RNF121: variants seen among roughly 807,000 people sequenced by gnomAD.
RNF121 encodes the protein ring finger protein 121, also known as E3 ubiquitin ligase RNF121.
RNF121 carries 21 observed loss-of-function variants against 46.5 expected under a neutral mutation model. That is an observed-to-expected ratio of 0.45 (90% CI 0.32 to 0.65). The LOEUF (loss-of-function observed/expected upper bound fraction) is 0.65. Among genes scored for constraint, RNF121 ranks in the 30% least tolerant of loss-of-function variants. The pLI, the probability that RNF121 is intolerant of heterozygous loss-of-function variation, is 0.04. For synonymous variants in RNF121, 139 were observed against 144.7 expected (o/e 0.96, Z 0.28); for missense variants, 346 against 416.0 (o/e 0.83, Z 1.46).
intron 8 of RNF121, 118 bp from the exon 9 acceptor site, chr11:71,996,077 A>G: frequency 7.8e-7 from 1 of 1,285,414 alleles, no homozygotes; most frequent in Non-Finnish European, 1.1e-6. Flanking sequence ...AGCAGCCTCC[A>G]TTCCTCTAGG....
intron 1 of RNF121, among the ~76,000 whole-genome samples, chr11:71,931,843 G>C (rs1953284032): frequency 6.6e-6 from 1 of 152,176 alleles, no homozygotes; most frequent in African/African-American, 2.4e-5. Flanking sequence ...ATTGCCCCCT[G>C]TGTAGCACTT....
At chr11:71,937,026 A>G (rs750042598) in intron 1 of RNF121, among the ~76,000 whole-genome samples, 9 of 152,236 alleles carry the variant, frequency 5.9e-5, no homozygotes, top group Non-Finnish European at 1.0e-4. Context: ...AAATAATACA[A>G]TAGCCCCTAT....
intron 1 of RNF121, among the ~76,000 whole-genome samples, chr11:71,950,818 T>G (rs1329892893): frequency 6.6e-6 from 1 of 152,106 alleles, no homozygotes; most frequent in East Asian, 1.9e-4. Flanking sequence ...CTTTTAATTC[T>G]GTGGTAACTA....
chr11:71,936,596 G>A (rs1590766045), intron 1 of RNF121, among the ~76,000 whole-genome samples: 2 of 152,084 alleles, frequency 1.3e-5, no homozygotes, highest in South Asian at 2.1e-4. Flanking sequence ...GGGTTTCACC[G>A]TGTTAGCCAG....
At chr11:71,980,297 CTCTGT>C (rs534822096) in intron 3 of RNF121, among the ~76,000 whole-genome samples, 1 of 152,066 alleles carries the variant, frequency 6.6e-6, no homozygotes, top group African/African-American at 2.4e-5. Flanking sequence ...TTACCCTTTT[CTCTGT>C]TCTGTTCTGT....
intron 3 of RNF121, 63 bp downstream of exon 3, chr11:71,960,954 C>G (rs1590789819): frequency 6.4e-7 from 1 of 1,574,620 alleles, no homozygotes; most frequent in East Asian, 2.2e-5. Context: ...CCTAAGTATT[C>G]TAGGTCCCAG....
intron 1 of RNF121, among the ~76,000 whole-genome samples, chr11:71,942,718 C>T (rs929827548): frequency 2.0e-5 from 3 of 150,478 alleles, no homozygotes; most frequent in African/African-American, 4.9e-5. Flanking sequence ...GAGCCAAGAT[C>T]GTGCCACTGC....
chr11:71,967,136 G>C (rs1454653688), intron 3 of RNF121, among the ~76,000 whole-genome samples: 11 of 150,394 alleles, frequency 7.3e-5, no homozygotes, highest in Non-Finnish European at 1.3e-4. Flanking sequence ...CTCCCAAAGT[G>C]CTGGGATTAC....
rs1383906770 is a variant in RNF121, at chr11:71,966,831, T to C, written c.243+5940T>C. Among the ~76,000 whole-genome samples the C allele has an allele frequency of 2.7e-5, 4 of 150,306 alleles. No homozygotes were observed. In the East Asian group the frequency reaches 7.7e-4, roughly 29 times the overall value. On this transcript the variant is annotated intron_variant, in intron 3 of 8. Coordinates refer to ENST00000361756, the MANE Select transcript of RNF121 (RefSeq NM_018320.5). ...ATGTTTATACTGATGTATAAATTTC[T>C]ACTTTATTATATTTAAATATAATAT...
intron 3 of RNF121, among the ~76,000 whole-genome samples, chr11:71,981,438 T>TA (rs1294546932): frequency 2.0e-5 from 3 of 151,864 alleles, no homozygotes; most frequent in Admixed American, 6.6e-5. Flanking sequence ...TTGTTTTTTT[T>TA]AAAAATATTC....
chr11:71,929,274 A>AG, intron 1 of RNF121, 150 bp downstream of exon 1: 3 of 1,331,362 alleles, frequency 2.3e-6, no homozygotes, highest in Non-Finnish European at 3.0e-6. Flanking sequence ...GAGCGAAGTC[A>AG]GAGGCACTCC....
chr11:71,939,047 G>A (rs1415335490), intron 1 of RNF121, among the ~76,000 whole-genome samples: 1 of 152,136 alleles, frequency 6.6e-6, no homozygotes, highest in Non-Finnish European at 1.5e-5. Context: ...TGGGATTACA[G>A]GCACCCGCCA....
At chr11:71,961,340 G>A (rs558277366) in intron 3 of RNF121, among the ~76,000 whole-genome samples, 3 of 152,130 alleles carry the variant, frequency 2.0e-5, no homozygotes, top group South Asian at 4.2e-4. Context: ...GTGGGCAGAT[G>A]GCTTCAGCTC....
Position 71,990,615 on chromosome 11 carries a change from C to T in RNF121, c.525C>T (p.Ala175=). 6.2e-7 allele frequency: 1 copy of T among 1,614,084 alleles called. No individual in the cohort carries two copies. The highest frequency in any genetic ancestry group is 8.5e-7 in the Non-Finnish European group (1 of 1,179,982). The change falls in exon 6 of 9, where the codon GCC becomes GCT. Residue 175 remains alanine, a synonymous_variant. Coordinates refer to ENST00000361756, the MANE Select transcript of RNF121 (RefSeq NM_018320.5). ...NLLFKIKPED[A]MDFGISLLFY... is the part of the protein sequence containing the mutation. ...CTTGCAGGATCAAACCAGAAGATGC[C>T]ATGGACTTTGGCATCTCCCTTCTCT... is the stretch of plus-strand genomic sequence containing the variant.
At chr11:71,990,099 C>T (rs957269307) in intron 5 of RNF121, among the ~76,000 whole-genome samples, 1 of 152,174 alleles carries the variant, frequency 6.6e-6, no homozygotes. Flanking sequence ...CATGTGGCCA[C>T]CGGAGTAATT....
chr11:71,994,736 C>T lies in RNF121; in HGVS notation c.645C>T (p.Gly215=). ...TCCTTCAGTTCTACAGCGAGTCGGGCATGCCTACCAAACATCTTTCAGACA... is the reference window on the plus strand; with the variant it reads ...TCCTTCAGTTCTACAGCGAGTCGGGTATGCCTACCAAACATCTTTCAGACA... ...ASTIGFYSES[G]MPTKHLSDSV... The change falls in exon 7 of 9, where the codon GGC becomes GGT. Residue 215 remains glycine (G), a synonymous_variant. Coordinates refer to ENST00000361756, the MANE Select transcript of RNF121 (RefSeq NM_018320.5). The T allele has an allele frequency of 6.2e-7, 1 of 1,614,176 alleles. No individual in the cohort carries two copies. The highest frequency in any genetic ancestry group is 1.1e-5 in the South Asian group (1 of 91,080).
intron 1 of RNF121, among the ~76,000 whole-genome samples, chr11:71,933,234 G>A (rs1441176581): frequency 6.6e-6 from 1 of 152,190 alleles, no homozygotes; most frequent in Non-Finnish European, 1.5e-5. Context: ...GGGCCAGCCA[G>A]GGCATTGCCT....
intron 3 of RNF121, among the ~76,000 whole-genome samples, chr11:71,971,892 C>A (rs1954429147): frequency 6.6e-6 from 1 of 152,114 alleles, no homozygotes; most frequent in African/African-American, 2.4e-5. Flanking sequence ...TATACACATA[C>A]CCTGTGACAC....
At chr11:71,991,293 T>C (rs1464632240) in intron 6 of RNF121, among the ~76,000 whole-genome samples, 4 of 152,098 alleles carry the variant, frequency 2.6e-5, no homozygotes, top group Non-Finnish European at 5.9e-5. Context: ...TTTAGGGCCA[T>C]TATAGGAAAG....
Sources: gnomAD v4.1 joint callset for allele counts (sites outside exome capture counted in the v4.1 genomes callset) on GRCh38, gnomAD v4.1.1 for gene constraint, MANE v1.5 for transcripts, NCBI Gene and HGNC (gene_info 2026-07-23, HGNC 2026-07-21) for gene names.